SLIT2: variants seen among roughly 807,000 people sequenced by gnomAD.
SLIT2 encodes the protein slit guidance ligand 2, also known as slit homolog 2 protein.
A neutral mutation model predicts 185.7 loss-of-function variants in SLIT2; 41 were observed. That is an observed-to-expected ratio of 0.22 (90% CI 0.17 to 0.29). The LOEUF (loss-of-function observed/expected upper bound fraction) is 0.29, where lower values mean the gene tolerates loss of function less well. SLIT2 is among the 10% of genes least tolerant of loss of function. The probability of loss-of-function intolerance (pLI) is 1.00; values close to 1 mark genes in which losing one functional copy is unlikely to be tolerated. For missense variants in SLIT2, 1,571 were observed against 1,909.0 expected (o/e 0.82, Z 3.30); for synonymous variants, 693 against 680.2 (o/e 1.02, Z -0.29).
intron 4 of SLIT2, among the ~76,000 whole-genome samples, chr4:20,297,418 T>C (rs535022054): frequency 8.5e-5 from 13 of 152,294 alleles, no homozygotes; most frequent in Admixed American, 8.5e-4. Context: ...CTGAGGGTTT[T>C]CCCCCCTTCC....
intron 4 of SLIT2, among the ~76,000 whole-genome samples, chr4:20,326,640 T>G (rs1299917348): frequency 6.6e-6 from 1 of 151,956 alleles, no homozygotes; most frequent in Admixed American, 6.6e-5. Context: ...ACTTACTTAA[T>G]GAACTCTAAG....
At chr4:20,512,120 G>A (rs909830170) in intron 11 of SLIT2, among the ~76,000 whole-genome samples, 6 of 152,064 alleles carry the variant, frequency 3.9e-5, no homozygotes, top group Non-Finnish European at 7.4e-5. Context: ...GTGGAAGTCG[G>A]CACATTTTTA....
At chr4:20,466,687 G>C (rs1714391883) in intron 4 of SLIT2, among the ~76,000 whole-genome samples, 1 of 152,090 alleles carries the variant, frequency 6.6e-6, no homozygotes, top group Non-Finnish European at 1.5e-5. Context: ...TGGGGGAGAG[G>C]ATGTGGATGA....
intron 3 of SLIT2, among the ~76,000 whole-genome samples, chr4:20,259,513 ATTG>A (rs1055884458): frequency 2.0e-4 from 31 of 151,640 alleles, no homozygotes; most frequent in Non-Finnish European, 3.7e-4. Context: ...TTTTGGTTAT[ATTG>A]TTGTTTTAAA....
rs115347568 is a variant in SLIT2 at position 20,304,675 on chromosome 4, A to G, written c.395+35794A>G. ...CGAGAAGTGATACAAAGAGATGCAC[A>G]TGAAGGAAAATGGAGATGCAGAGCT... On this transcript the variant is annotated intron_variant, in intron 4 of 36. Transcript: ENST00000504154. Among the ~76,000 whole-genome samples, 685 of 152,256 alleles carry G rather than the reference A, an allele frequency of 4.5e-3. 1 individual carries two copies. Among genetic ancestry groups the G allele is most frequent in the Non-Finnish European group, 6.9e-3 (468 of 68,028 alleles).
At chr4:20,320,434 C>CAG (rs1159010531) in intron 4 of SLIT2, among the ~76,000 whole-genome samples, 1 of 152,110 alleles carries the variant, frequency 6.6e-6, no homozygotes, top group Non-Finnish European at 1.5e-5. Flanking sequence ...TTCTGAGCCC[C>CAG]AGCCTCCTTA....
chr4:20,550,667 G>A (rs1167654331), intron 24 of SLIT2, among the ~76,000 whole-genome samples, 160 bp from the exon 25 acceptor site: 1 of 152,028 alleles, frequency 6.6e-6, no homozygotes, highest in Non-Finnish European at 1.5e-5. Context: ...GAAGCCATTT[G>A]CTTTCTCAGG....
chr4:20,570,036 C>A, intron 29 of SLIT2, among the ~76,000 whole-genome samples: 1 of 152,022 alleles, frequency 6.6e-6, no homozygotes, highest in East Asian at 1.9e-4. Flanking sequence ...TACTAGGTAC[C>A]TTTCTTGATG....
At chr4:20,513,258 G>A (rs950491501) in intron 11 of SLIT2, among the ~76,000 whole-genome samples, 1 of 152,166 alleles carries the variant, frequency 6.6e-6, no homozygotes, top group Non-Finnish European at 1.5e-5. Context: ...ATGTAGCAAC[G>A]TGTGGAAGAT....
At chr4:20,421,983 C>T (rs185597211) in intron 4 of SLIT2, among the ~76,000 whole-genome samples, 134 of 152,220 alleles carry the variant, frequency 8.8e-4, no homozygotes, top group East Asian at 2.9e-3. Context: ...GATGCATGGA[C>T]GGAACACCTC....
chr4:20,504,877 G>A (rs766476732), intron 9 of SLIT2, among the ~76,000 whole-genome samples: 5 of 151,834 alleles, frequency 3.3e-5, no homozygotes, highest in Non-Finnish European at 1.5e-5. Context: ...ATTTATTATA[G>A]TATATTGTAA....
chr4:20,419,369 T>C (rs1345635144), intron 4 of SLIT2, among the ~76,000 whole-genome samples: 1 of 152,202 alleles, frequency 6.6e-6, no homozygotes. Context: ...TAAAACTGTA[T>C]AATTATTTAA....
intron 4 of SLIT2, among the ~76,000 whole-genome samples, chr4:20,334,539 G>A (rs925303883): frequency 2.6e-5 from 4 of 152,056 alleles, no homozygotes; most frequent in East Asian, 1.9e-4. Context: ...TTTCTAATTG[G>A]TATGAACTCA....
chr4:20,364,305 T>C (rs1480874358), intron 4 of SLIT2: 3 of 982,952 alleles, frequency 3.1e-6, no homozygotes, highest in Admixed American at 6.2e-5. Context: ...ATTTCAATAA[T>C]GGTTCAAGTA....
At chr4:20,521,635 G>A (rs1720848527) in intron 12 of SLIT2, among the ~76,000 whole-genome samples, 2 of 152,108 alleles carry the variant, frequency 1.3e-5, no homozygotes, top group South Asian at 4.1e-4. Flanking sequence ...GGAGAGGTGT[G>A]GGGTTAATCA....
chr4:20,502,571 G>T (rs1419442311), intron 9 of SLIT2, among the ~76,000 whole-genome samples: 2 of 152,186 alleles, frequency 1.3e-5, no homozygotes, highest in Non-Finnish European at 2.9e-5. Context: ...ATCTGCCTTG[G>T]AGAATCAAAT....
At chr4:20,472,395 T>TATAGATATCTATATATCTATATATATAG (rs1553908511) in intron 5 of SLIT2, among the ~76,000 whole-genome samples, 1 of 38,846 alleles carries the variant, frequency 2.6e-5, no homozygotes, top group African/African-American at 9.4e-5. Context: ...TGTAGATATA[T>TATAGATATCTATATATCTATATATATAG]AGATATAGAT....
chr4:20,504,164 T>G (rs1577802842), intron 9 of SLIT2, among the ~76,000 whole-genome samples: 1 of 152,084 alleles, frequency 6.6e-6, no homozygotes, highest in East Asian at 1.9e-4. Flanking sequence ...ATCCTTAACA[T>G]CAAAGAAAAG....
At chr4:20,437,630 A>G (rs892203939) in intron 4 of SLIT2, among the ~76,000 whole-genome samples, 1 of 151,660 alleles carries the variant, frequency 6.6e-6, no homozygotes, top group Admixed American at 6.6e-5. Context: ...AACCCAAAAC[A>G]GGCCGAGCGT....
Sources: gnomAD v4.1 joint callset for allele counts (sites outside exome capture counted in the v4.1 genomes callset) on GRCh38, gnomAD v4.1.1 for gene constraint, MANE v1.5 for transcripts, NCBI Gene and HGNC (gene_info 2026-07-23, HGNC 2026-07-21) for gene names.